The following SAMHD1 variants were observed in gnomAD, a reference collection of about 807,000 sequenced individuals.
SAMHD1 encodes the protein SAM and HD domain containing deoxynucleoside triphosphate triphosphohydrolase 1.
In SAMHD1, 54 loss-of-function variants were observed where a neutral mutation model predicts 79.6. The ratio of observed to expected loss-of-function variants is 0.68; its 90% CI spans 0.55 to 0.85. The LOEUF (loss-of-function observed/expected upper bound fraction) is 0.85, where lower values mean the gene tolerates loss of function less well. Among genes scored for constraint, SAMHD1 ranks in the 40% least tolerant of loss-of-function variants. SAMHD1 has a pLI of 0.00. For synonymous variants in SAMHD1, 260 were observed against 264.1 expected, an observed-to-expected ratio of 0.98 and a Z score of 0.15; for missense variants, 663 against 782.7, an observed-to-expected ratio of 0.85 and a Z score of 1.82.
At chr20:36,951,161 C>T (rs549615282) in intron 1 of SAMHD1, among the ~76,000 whole-genome samples, 1 of 152,372 alleles carries the variant, frequency 6.6e-6, no homozygotes, top group East Asian at 1.9e-4. Context: ...TCGCCTATCC[C>T]AGGCGACCCC....
chr20:36,900,760 GAC>G (rs1990290151), intron 13 of SAMHD1, among the ~76,000 whole-genome samples: 1 of 149,258 alleles, frequency 6.7e-6, no homozygotes, highest in South Asian at 2.1e-4. Flanking sequence ...TTTTAGTAGA[GAC>G]AGGGTTTCAC....
chr20:36,934,489 C>G (rs2063587992), intron 4 of SAMHD1, among the ~76,000 whole-genome samples: 1 of 114,120 alleles, frequency 8.8e-6, no homozygotes, highest in Non-Finnish European at 1.6e-5. Context: ...CGCCACTGCA[C>G]TCCAGCCTAG....
At chr20:36,914,066 C>G (rs1395656074) in intron 9 of SAMHD1, among the ~76,000 whole-genome samples, 2 of 150,772 alleles carry the variant, frequency 1.3e-5, no homozygotes, top group Admixed American at 1.3e-4. Flanking sequence ...TCTTGACTTT[C>G]TATAGTATAG....
chr20:36,912,283 C>T, intron 10 of SAMHD1, 178 bp downstream of exon 10: 1 of 588,830 alleles, frequency 1.7e-6, no homozygotes, highest in Non-Finnish European at 3.0e-6. Flanking sequence ...CACTTCCCTC[C>T]TTTTCCTCCA....
At chr20:36,926,045 A>C (rs530124866) in intron 6 of SAMHD1, among the ~76,000 whole-genome samples, 1 of 152,248 alleles carries the variant, frequency 6.6e-6, no homozygotes, top group South Asian at 2.1e-4. Flanking sequence ...TTTCTGCTGA[A>C]TGTATTTCTT....
chr20:36,905,238 G>T, intron 12 of SAMHD1, 126 bp downstream of exon 12: 1 of 1,072,126 alleles, frequency 9.3e-7, no homozygotes, highest in Non-Finnish European at 1.4e-6. Context: ...CTGCACTACT[G>T]TGAAGATTAA....
chr20:36,930,243 C>A (rs2063560444), intron 5 of SAMHD1, among the ~76,000 whole-genome samples: 1 of 152,096 alleles, frequency 6.6e-6, no homozygotes, highest in African/African-American at 2.4e-5. Flanking sequence ...TGCCTGTAAT[C>A]CCAGCACTTT....
intron 9 of SAMHD1, among the ~76,000 whole-genome samples, chr20:36,913,775 A>G (rs2063459356): frequency 8.1e-6 from 1 of 124,170 alleles, no homozygotes; most frequent in South Asian, 2.6e-4. Context: ...TTTTTTTTAG[A>G]CAGTCTCGCT....
intron 2 of SAMHD1, among the ~76,000 whole-genome samples, chr20:36,942,972 A>C (rs2063657960): frequency 6.6e-6 from 1 of 152,038 alleles, no homozygotes; most frequent in East Asian, 1.9e-4. Flanking sequence ...TTACTTGTTA[A>C]AAAAACCTTT....
intron 7 of SAMHD1, among the ~76,000 whole-genome samples, chr20:36,918,405 G>A (rs1446426206): frequency 6.6e-6 from 1 of 151,442 alleles, no homozygotes; most frequent in East Asian, 2.0e-4. Flanking sequence ...AATCACTTGA[G>A]CCCAGGAGTT....
intron 4 of SAMHD1, chr20:36,931,118 C>A: frequency 1.9e-6 from 1 of 529,122 alleles, no homozygotes. Flanking sequence ...GATACCACTT[C>A]ACACCCCTTA....
intron 6 of SAMHD1, among the ~76,000 whole-genome samples, chr20:36,925,718 T>A (rs981030251): frequency 6.6e-6 from 1 of 152,080 alleles, no homozygotes; most frequent in Non-Finnish European, 1.5e-5. Context: ...GATATATCAA[T>A]AACAAAGTAC....
chr20:36,919,561 C>T (rs144758822), intron 6 of SAMHD1, 42 bp from the exon 7 acceptor site: 6 of 1,596,986 alleles, frequency 3.8e-6, no homozygotes, highest in Middle Eastern at 1.9e-4. Flanking sequence ...AAGATTCTAG[C>T]CCATTGGGAG....
chr20:36,898,139 C>T (rs1037768697), intron 14 of SAMHD1, among the ~76,000 whole-genome samples, 180 bp from the exon 15 acceptor site: 5 of 152,136 alleles, frequency 3.3e-5, no homozygotes, highest in Non-Finnish European at 5.9e-5. Flanking sequence ...ACAAGTGATC[C>T]TCCCACCTCA....
At chr20:36,900,383 T>C (rs1356393538) in intron 13 of SAMHD1, among the ~76,000 whole-genome samples, 4 of 151,304 alleles carry the variant, frequency 2.6e-5, no homozygotes, top group African/African-American at 9.7e-5. Context: ...GTAGCTGGGA[T>C]TACAGGTATG....
At chr20:36,935,424 A>G in intron 3 of SAMHD1, 1 of 532,398 alleles carries the variant, frequency 1.9e-6, no homozygotes, top group South Asian at 2.1e-5. Context: ...TGAATAACAG[A>G]AAAATAAGGA....
At chr20:36,906,902 G>A (rs917400939) in intron 11 of SAMHD1, among the ~76,000 whole-genome samples, 2 of 150,692 alleles carry the variant, frequency 1.3e-5, no homozygotes, top group East Asian at 2.0e-4. Context: ...AGTGATTCTC[G>A]TGCCTCAGCC....
intron 1 of SAMHD1, among the ~76,000 whole-genome samples, chr20:36,948,729 T>C (rs2063711648): frequency 9.5e-6 from 1 of 105,530 alleles, no homozygotes. Flanking sequence ...TAGCCAGGTG[T>C]GGTGGTGGGC....
chr20:36,917,097 C>A, intron 7 of SAMHD1, 48 bp from the exon 8 acceptor site: 1 of 1,213,444 alleles, frequency 8.2e-7, no homozygotes, highest in Non-Finnish European at 1.2e-6. Flanking sequence ...GGCACCAAAT[C>A]TATTTATAAA....
Sources: allele counts gnomAD v4.1 joint callset (sites outside exome capture counted in the v4.1 genomes callset), GRCh38; gene constraint gnomAD v4.1.1; transcripts MANE v1.5; gene names NCBI Gene and HGNC (gene_info 2026-07-23, HGNC 2026-07-21).